The following SRGAP1 variants were observed in gnomAD, a reference collection of about 807,000 sequenced individuals.
The protein encoded by SRGAP1 is SLIT-ROBO Rho GTPase activating protein 1, also known as SLIT-ROBO Rho GTPase-activating protein 1.
SRGAP1 carries 43 observed loss-of-function variants against 121.9 expected under a neutral mutation model. The ratio of observed to expected loss-of-function variants is 0.35; its 90% CI spans 0.28 to 0.46. The LOEUF (loss-of-function observed/expected upper bound fraction) is 0.46. Ranked by LOEUF, SRGAP1 falls within the 20% of genes least tolerant of loss-of-function variation. The pLI is 1.00. For synonymous variants in SRGAP1, 447 were observed against 485.4 expected, an observed-to-expected ratio of 0.92 and a Z score of 1.04; for missense variants, 1,102 against 1,350.9, an observed-to-expected ratio of 0.82 and a Z score of 2.89.
chr12:63,912,302 C>G (rs977863994), intron 1 of SRGAP1, among the ~76,000 whole-genome samples: 10 of 152,060 alleles, frequency 6.6e-5, no homozygotes, highest in Admixed American at 5.9e-4. Context: ...TTCAATGTCA[C>G]GGAGCATGTA....
intron 1 of SRGAP1, among the ~76,000 whole-genome samples, chr12:63,946,873 T>C (rs1394704545): frequency 2.0e-5 from 3 of 152,204 alleles, no homozygotes; most frequent in Non-Finnish European, 4.4e-5. Context: ...TTTATATAAA[T>C]GGAATCATAC....
At chr12:64,135,172 C>T (rs2036840228) in intron 21 of SRGAP1, among the ~76,000 whole-genome samples, 1 of 152,192 alleles carries the variant, frequency 6.6e-6, no homozygotes, top group Admixed American at 6.5e-5. Flanking sequence ...GGTTTACAAA[C>T]TCAGTGCCCC....
At chr12:64,049,192 T>TA (rs539343196) in intron 6 of SRGAP1, among the ~76,000 whole-genome samples, 170 of 152,284 alleles carry the variant, frequency 1.1e-3, no homozygotes, top group Middle Eastern at 6.8e-3. Flanking sequence ...TAGTGAGAGA[T>TA]AGAGGTCTAG....
chr12:63,959,480 G>A (rs1011226171), intron 1 of SRGAP1, among the ~76,000 whole-genome samples: 2 of 152,168 alleles, frequency 1.3e-5, no homozygotes, highest in Non-Finnish European at 2.9e-5. Flanking sequence ...AGCTGGCACT[G>A]ATCATGAATA....
chr12:64,064,972 A>G, intron 7 of SRGAP1, 146 bp from the exon 8 acceptor site: 2 of 581,314 alleles, frequency 3.4e-6, no homozygotes, highest in Non-Finnish European at 5.9e-6. Context: ...TTACAAGTGA[A>G]GTTTTGATGT....
intron 1 of SRGAP1, among the ~76,000 whole-genome samples, chr12:63,859,008 A>G (rs955738172): frequency 1.3e-5 from 2 of 152,252 alleles, no homozygotes; most frequent in East Asian, 3.9e-4. Flanking sequence ...TGGCCGATAA[A>G]TTATATTTTT....
chr12:64,093,063 G>A (rs1244049792), intron 12 of SRGAP1, among the ~76,000 whole-genome samples: 1 of 152,036 alleles, frequency 6.6e-6, no homozygotes, highest in Non-Finnish European at 1.5e-5. Context: ...TTCTAAAAAG[G>A]GCTTGATCAC....
chr12:63,948,379 A>G (rs2032119638), intron 1 of SRGAP1, among the ~76,000 whole-genome samples: 1 of 152,174 alleles, frequency 6.6e-6, no homozygotes, highest in Non-Finnish European at 1.5e-5. Context: ...TCTCTTAACA[A>G]AAATAATCAC....
intron 4 of SRGAP1, chr12:64,032,274 A>G: frequency 3.6e-6 from 1 of 277,158 alleles, no homozygotes. Flanking sequence ...CCCACTGCAA[A>G]GGGCCTAAAC....
intron 21 of SRGAP1, among the ~76,000 whole-genome samples, chr12:64,134,346 G>A (rs951403308): frequency 4.6e-5 from 7 of 151,702 alleles, no homozygotes; most frequent in East Asian, 3.9e-4. Context: ...GCGTGAACCC[G>A]GGAGGCAGAG....
In SRGAP1 at chr12:64,128,177, C is replaced by T. The variant is rs113302231; in HGVS notation, c.2857C>T (p.Leu953=). The T allele has an allele frequency of 6.2e-7, 1 of 1,611,618 alleles. No individual in the cohort carries two copies. The highest frequency in any genetic ancestry group is 2.2e-5 in the East Asian group (1 of 44,802). Residue 953 remains leucine, a synonymous_variant, in exon 21 of 22, where the codon CTG becomes TTG. Transcript: ENST00000355086. ...QYTGFNDHKP[L]DPETIAQDIE... ...CACGGGCTTCAATGACCACAAGCCA[C>T]TGGACCCAGAGACAATTGCTCAGGT... is the stretch of plus-strand genomic sequence containing the variant.
At chr12:64,121,948 G>T (rs1357344237) in intron 18 of SRGAP1, among the ~76,000 whole-genome samples, 1 of 152,164 alleles carries the variant, frequency 6.6e-6, no homozygotes, top group Non-Finnish European at 1.5e-5. Flanking sequence ...GATTGCCGAG[G>T]TATTGTATTT....
chr12:64,121,382 G>A (rs1053836542), intron 18 of SRGAP1, among the ~76,000 whole-genome samples: 6 of 151,946 alleles, frequency 3.9e-5, no homozygotes, highest in Admixed American at 2.0e-4. Flanking sequence ...TAAAGTGAGA[G>A]CTTCTATTTC....
Position 63,895,786 on chromosome 12 carries a change from T to TA in SRGAP1, c.67+50904dup, listed in dbSNP as rs1900735044. ...AAGTTGGGGTTATTGTTAACTTCGT[T>TA]AGCAACTAAAAAATATTAATACTTG... On this transcript the variant is annotated intron_variant, in intron 1 of 21. Coordinates refer to ENST00000355086, the MANE Select transcript of SRGAP1 (RefSeq NM_020762.4). Among the ~76,000 whole-genome samples the TA allele has an allele frequency of 2.0e-5, 3 of 152,342 alleles. No homozygotes were observed. The South Asian group carries it at 6.2e-4, about 32-fold the overall frequency.
At chr12:63,958,516 A>G (rs2032542350) in intron 1 of SRGAP1, among the ~76,000 whole-genome samples, 1 of 152,190 alleles carries the variant, frequency 6.6e-6, no homozygotes, top group Admixed American at 6.6e-5. Flanking sequence ...CGATGACTTG[A>G]TGAGCAACTT....
intron 1 of SRGAP1, among the ~76,000 whole-genome samples, chr12:63,906,593 G>C (rs545291897): frequency 1.0e-3 from 152 of 152,158 alleles, no homozygotes; most frequent in Non-Finnish European, 1.6e-3. Flanking sequence ...GATTACAGGT[G>C]TGAGCCACCA....
At chr12:64,017,043 AT>A (rs1431182065) in intron 4 of SRGAP1, 31 bp downstream of exon 4, 2 of 1,299,116 alleles carry the variant, frequency 1.5e-6, no homozygotes, top group East Asian at 4.7e-5. Flanking sequence ...CTTTTCTAGA[AT>A]CCTTGGGTTA....
At chr12:63,962,928 A>C (rs1414649651) in intron 1 of SRGAP1, among the ~76,000 whole-genome samples, 2 of 152,148 alleles carry the variant, frequency 1.3e-5, no homozygotes, top group African/African-American at 4.8e-5. Context: ...TATTGAGTAC[A>C]TGTTGAAATT....
In SRGAP1 at chr12:63,938,080, C is replaced by T. The variant is rs576710031; in HGVS notation, c.68-45867C>T. 1.5e-4 allele frequency among the ~76,000 whole-genome samples: 23 copies of T among 152,258 alleles called. No homozygotes were observed. The East Asian group carries it at 3.5e-3, about 23-fold the overall frequency. ...ACAGTCTCCGGAGAGGAACCCTCAG[C>T]GGTTTCTACTGAGATGAGCATCCAA... On this transcript the variant is annotated intron_variant, in intron 1 of 21. Transcript: ENST00000355086.
Sources: gnomAD v4.1 joint callset for allele counts (sites outside exome capture counted in the v4.1 genomes callset) on GRCh38, gnomAD v4.1.1 for gene constraint, MANE v1.5 for transcripts, NCBI Gene and HGNC (gene_info 2026-07-23, HGNC 2026-07-21) for gene names.